The following MAN2A1 variants were observed in gnomAD, a reference collection of about 807,000 sequenced individuals.
MAN2A1 encodes the protein alpha-mannosidase 2.
Under a neutral mutation model 142.6 loss-of-function variants are expected in MAN2A1, and 76 were observed. That is an observed-to-expected ratio of 0.53 (90% CI 0.44 to 0.65). The LOEUF (loss-of-function observed/expected upper bound fraction) is 0.65. MAN2A1 is among the 30% of genes least tolerant of loss of function. The pLI is 0.00. For missense variants in MAN2A1, 1,311 were observed against 1,365.1 expected (o/e 0.96, Z 0.62); for synonymous variants, 559 against 473.2 (o/e 1.18, Z -2.35).
chr5:109,706,519 C>G (rs1049057399), intron 1 of MAN2A1, among the ~76,000 whole-genome samples: 20 of 152,300 alleles, frequency 1.3e-4, no homozygotes, highest in African/African-American at 4.8e-4. Context: ...TCCCCAAGAT[C>G]ACATGGCCAA....
chr5:109,730,653 T>A (rs1485180527), intron 4 of MAN2A1, among the ~76,000 whole-genome samples: 1 of 152,242 alleles, frequency 6.6e-6, no homozygotes. Context: ...CTTTAATTTA[T>A]TTAATGTCAC....
At chr5:109,792,416 G>C (rs937276525) in intron 12 of MAN2A1, among the ~76,000 whole-genome samples, 1 of 151,572 alleles carries the variant, frequency 6.6e-6, no homozygotes, top group African/African-American at 2.4e-5. Context: ...TTACCCTTTT[G>C]TCTTCAATTT....
Position 109,705,363 on chromosome 5 carries a change from A to G in MAN2A1, c.136-8157A>G, listed in dbSNP as rs1037995770. On this transcript the variant is annotated intron_variant, in intron 1 of 21. Transcript: ENST00000261483. ...CTTTTTCTGAAAATTACTTTGAACCATAAAGGGTGACTCTGTCTTTTCTTA... is the reference window on the plus strand; with the variant it reads ...CTTTTTCTGAAAATTACTTTGAACCGTAAAGGGTGACTCTGTCTTTTCTTA... Among the ~76,000 whole-genome samples, 4 of 152,284 alleles carry G rather than the reference A, an allele frequency of 2.6e-5. No individual in the cohort carries two copies. The East Asian group carries it at 7.7e-4, about 29-fold the overall frequency.
chr5:109,800,012 G>A (rs531349461), intron 12 of MAN2A1, among the ~76,000 whole-genome samples: 21 of 150,828 alleles, frequency 1.4e-4, no homozygotes, highest in African/African-American at 4.9e-4. Flanking sequence ...TGCTTGAACC[G>A]GGGAGGTGGA....
chr5:109,865,092 T>C lies in MAN2A1; in HGVS notation c.3228T>C (p.Asp1076=). The change falls in exon 21 of 22, where the codon GAT becomes GAC. Residue 1076 remains aspartate, a synonymous_variant. Coordinates refer to ENST00000261483, the MANE Select transcript of MAN2A1 (RefSeq NM_002372.4). ...TGATCCTCCACAGAAAAGGGTTTGA[T>C]TGTCGGTTCTCTAGCAAAGGCACAG... ...AALILHRKGF[D]CRFSSKGTGL... The C allele has an allele frequency of 6.2e-7, 1 of 1,614,064 alleles. No individual in the cohort carries two copies. The highest frequency in any genetic ancestry group is 8.5e-7 in the Non-Finnish European group (1 of 1,179,946).
At chr5:109,779,486 A>G (rs1753387372) in intron 8 of MAN2A1, among the ~76,000 whole-genome samples, 1 of 152,018 alleles carries the variant, frequency 6.6e-6, no homozygotes, top group Admixed American at 6.5e-5. Context: ...GCTCATCTGT[A>G]TCTGCTGGAT....
intron 1 of MAN2A1, among the ~76,000 whole-genome samples, chr5:109,711,859 C>T (rs1318939950): frequency 6.6e-6 from 1 of 151,958 alleles, no homozygotes; most frequent in Non-Finnish European, 1.5e-5. Flanking sequence ...ATCACCCCAC[C>T]CCATCTTAGA....
intron 1 of MAN2A1, among the ~76,000 whole-genome samples, chr5:109,709,541 C>T (rs1031514235): frequency 1.6e-4 from 24 of 152,086 alleles, no homozygotes; most frequent in Admixed American, 6.5e-4. Flanking sequence ...CCAATACCAG[C>T]GGGTAGTGTC....
chr5:109,730,334 T>G (rs938787114), intron 4 of MAN2A1, among the ~76,000 whole-genome samples: 2 of 152,138 alleles, frequency 1.3e-5, no homozygotes, highest in East Asian at 3.8e-4. Context: ...TATTTATACA[T>G]ATACTCCTTA....
intron 12 of MAN2A1, among the ~76,000 whole-genome samples, chr5:109,809,077 G>T (rs1181241615): frequency 6.6e-6 from 1 of 151,960 alleles, no homozygotes; most frequent in Non-Finnish European, 1.5e-5. Flanking sequence ...AGTTTTTTCT[G>T]ATTATAAAAT....
intron 16 of MAN2A1, among the ~76,000 whole-genome samples, chr5:109,829,814 T>C (rs982502669): frequency 6.6e-6 from 1 of 152,212 alleles, no homozygotes; most frequent in South Asian, 2.1e-4. Flanking sequence ...TAATTGTTAG[T>C]TCTCTTCAGT....
At chr5:109,735,878 GTTTTTTT>G (rs35796131) in intron 4 of MAN2A1, among the ~76,000 whole-genome samples, 1 of 98,404 alleles carries the variant, frequency 1.0e-5, no homozygotes, top group Non-Finnish European at 1.9e-5. Context: ...TTCCATTGGA[GTTTTTTT>G]TTTTTTTTTT....
At chr5:109,741,586 T>C (rs141294312) in intron 4 of MAN2A1, among the ~76,000 whole-genome samples, 11 of 152,306 alleles carry the variant, frequency 7.2e-5, no homozygotes, top group African/African-American at 2.4e-4. Context: ...GCAGAACCTG[T>C]TAATTCCAGC....
chr5:109,804,204 G>A, intron 12 of MAN2A1: 1 of 987,096 alleles, frequency 1.0e-6, no homozygotes, highest in Non-Finnish European at 1.2e-6. Context: ...TTTTAGTGAA[G>A]GTATCCTGAT....
chr5:109,706,681 A>G (rs1751142814), intron 1 of MAN2A1, among the ~76,000 whole-genome samples: 1 of 152,184 alleles, frequency 6.6e-6, no homozygotes, highest in Admixed American at 6.5e-5. Flanking sequence ...ATTTGATGAC[A>G]TAATCAGAGT....
intron 19 of MAN2A1, among the ~76,000 whole-genome samples, chr5:109,848,647 C>G (rs1400602687): frequency 2.0e-5 from 3 of 152,114 alleles, no homozygotes; most frequent in Non-Finnish European, 4.4e-5. Flanking sequence ...GTCCTTGGAA[C>G]TTACTCTCTT....
intron 4 of MAN2A1, among the ~76,000 whole-genome samples, chr5:109,733,061 C>G (rs1254621989): frequency 6.6e-6 from 1 of 152,102 alleles, no homozygotes; most frequent in African/African-American, 2.4e-5. Context: ...TGTAGTTTTC[C>G]TTGAAGAGGT....
chr5:109,720,566 G>C (rs1360056655), intron 3 of MAN2A1, among the ~76,000 whole-genome samples: 2 of 152,148 alleles, frequency 1.3e-5, no homozygotes, highest in African/African-American at 2.4e-5. Flanking sequence ...AGTCATAGTT[G>C]GCTAATATCT....
intron 16 of MAN2A1, among the ~76,000 whole-genome samples, chr5:109,833,886 G>A (rs889365926): frequency 7.9e-5 from 12 of 152,312 alleles, no homozygotes; most frequent in African/African-American, 2.9e-4. Context: ...GTGAAAGCAA[G>A]CAATTGGAAA....
Sources: allele counts gnomAD v4.1 joint callset (sites outside exome capture counted in the v4.1 genomes callset), GRCh38; gene constraint gnomAD v4.1.1; transcripts MANE v1.5; gene names NCBI Gene and HGNC (gene_info 2026-07-23, HGNC 2026-07-21).